Variants in VPS37C observed in about 807,000 individuals in gnomAD.
The protein encoded by VPS37C is VPS37C subunit of ESCRT-I.
A neutral mutation model predicts 16.1 loss-of-function variants in VPS37C; 9 were observed. That is an observed-to-expected ratio of 0.56 (90% CI 0.34 to 0.97). VPS37C has a LOEUF of 0.97. Ranked by LOEUF, VPS37C falls within the 50% of genes least tolerant of loss-of-function variation. The pLI, the probability that VPS37C is intolerant of heterozygous loss-of-function variation, is 0.02. For synonymous variants in VPS37C, 207 were observed against 206.4 expected, an observed-to-expected ratio of 1.00 and a Z score of -0.02; for missense variants, 479 against 472.7, an observed-to-expected ratio of 1.01 and a Z score of -0.12.
intron 3 of VPS37C, 77 bp downstream of exon 3, chr11:61,133,959 A>G: frequency 6.7e-7 from 1 of 1,502,662 alleles, no homozygotes; most frequent in South Asian, 1.3e-5. Context: ...TAAAGCACTT[A>G]GCACAGGGCT....
rs1861305182 is a variant in VPS37C at position 61,133,234 on chromosome 11, G to C, written c.348+21C>G. The C allele has an allele frequency of 1.1e-5, 17 of 1,613,148 alleles. No individual in the cohort carries two copies. The East Asian group carries it at 3.8e-4, about 36-fold the overall frequency. ...ACTGACACCCCGTCCAGGGAAGAGG[G>C]GTGTCGCCTCGCCCTCTCACCTCGG... is the stretch of plus-strand genomic sequence containing the variant. On this transcript the variant is annotated intron_variant, in intron 4 of 4. Coordinates refer to ENST00000301765, the MANE Select transcript of VPS37C (RefSeq NM_017966.5).
At chr11:61,156,218 A>G (rs1010820938) in intron 1 of VPS37C, among the ~76,000 whole-genome samples, 1 of 152,222 alleles carries the variant, frequency 6.6e-6, no homozygotes, top group Non-Finnish European at 1.5e-5. Flanking sequence ...TTTAAACTCA[A>G]CCATATCAAT....
At chr11:61,157,099 A>G (rs999509102) in intron 1 of VPS37C, among the ~76,000 whole-genome samples, 18 of 152,270 alleles carry the variant, frequency 1.2e-4, no homozygotes, top group African/African-American at 4.3e-4. Context: ...ATAATATTCT[A>G]TCTAATACAT....
chr11:61,156,996 C>A (rs1461778413), intron 1 of VPS37C, among the ~76,000 whole-genome samples: 4 of 152,348 alleles, frequency 2.6e-5, no homozygotes, highest in Non-Finnish European at 5.9e-5. Flanking sequence ...AATATTTGTT[C>A]TTTTGTGACT....
At chr11:61,138,960 G>C in intron 1 of VPS37C, 125 bp from the exon 2 acceptor site, 1 of 852,558 alleles carries the variant, frequency 1.2e-6, no homozygotes, top group East Asian at 2.6e-5. Context: ...TCCACCGGGA[G>C]GCTCGAGGAG....
rs904908649 is a variant in VPS37C at position 61,134,163 on chromosome 11, G to A, written c.138C>T (p.Asn46=). The change falls in exon 3 of 5, where the codon AAC becomes AAT. Residue 46 remains asparagine, a synonymous_variant. Coordinates refer to ENST00000301765, the MANE Select transcript of VPS37C (RefSeq NM_017966.5). The stretch of plus-strand genomic sequence containing the variant: ...CCAAGTTCCGCTCTGCCAGGCTCCG[G>A]TTGGTGGCCAGTGCCATCTCCCGTT... ...QLEREMALAT[N]RSLAERNLEF... is the part of the protein sequence containing the mutation. 2 of 1,613,872 alleles carry A rather than the reference G, an allele frequency of 1.2e-6. No homozygotes were observed. Among genetic ancestry groups the A allele is most frequent in the African/African-American group, 1.3e-5 (1 of 74,904 alleles).
intron 4 of VPS37C, chr11:61,132,907 G>T: frequency 1.9e-6 from 1 of 526,464 alleles, no homozygotes; most frequent in East Asian, 3.5e-5. Flanking sequence ...GACAGCACCA[G>T]TTTGCCCACA....
chr11:61,147,802 T>A (rs1386968776), intron 1 of VPS37C, among the ~76,000 whole-genome samples: 1 of 151,964 alleles, frequency 6.6e-6, no homozygotes, highest in African/African-American at 2.4e-5. Flanking sequence ...GCACTGCCCC[T>A]CACCCCTTGC....
intron 2 of VPS37C, among the ~76,000 whole-genome samples, chr11:61,136,579 T>G (rs181066702): frequency 4.7e-5 from 7 of 149,256 alleles, no homozygotes; most frequent in Admixed American, 2.0e-4. Flanking sequence ...TATTAGGGGT[T>G]CAGTGTGAAG....
chr11:61,158,660 G>T (rs1044224340), intron 1 of VPS37C, among the ~76,000 whole-genome samples: 2 of 152,168 alleles, frequency 1.3e-5, no homozygotes, highest in Non-Finnish European at 1.5e-5. Context: ...GTCTTCAAAG[G>T]TAGGGCCTAC....
chr11:61,159,307 G>A (rs527317697), intron 1 of VPS37C, among the ~76,000 whole-genome samples: 1 of 152,134 alleles, frequency 6.6e-6, no homozygotes, highest in Non-Finnish European at 1.5e-5. Flanking sequence ...GAATCACCCA[G>A]TGCATTTGTT....
At chr11:61,151,812 G>T (rs1853302021) in intron 1 of VPS37C, among the ~76,000 whole-genome samples, 1 of 152,200 alleles carries the variant, frequency 6.6e-6, no homozygotes, top group Non-Finnish European at 1.5e-5. Flanking sequence ...CAATCAAAAT[G>T]ACGGCCAAGA....
chr11:61,140,240 T>C (rs1487154744), intron 1 of VPS37C, among the ~76,000 whole-genome samples: 3 of 152,154 alleles, frequency 2.0e-5, no homozygotes, highest in Non-Finnish European at 4.4e-5. Context: ...AGATGCACCC[T>C]TCTCCAGGTC....
chr11:61,158,115 T>C (rs1225255297), intron 1 of VPS37C, among the ~76,000 whole-genome samples: 1 of 152,252 alleles, frequency 6.6e-6, no homozygotes, highest in African/African-American at 2.4e-5. Flanking sequence ...CAGGTATTCC[T>C]TTATAGCAAT....
intron 4 of VPS37C, chr11:61,132,950 A>C (rs1861299934): frequency 1.9e-6 from 1 of 534,718 alleles, no homozygotes; most frequent in African/African-American, 1.9e-5. Flanking sequence ...GGAAGCAGGA[A>C]GCAGGGAGAG....
chr11:61,131,640 A>G lies in VPS37C; in HGVS notation c.*180T>C. On this transcript the variant is annotated 3_prime_UTR_variant, in exon 5 of 5. Transcript: ENST00000301765. ...CAGGAGGACCTCTGGCCAGAAGGCC[A>G]GCAAGTGCCATGACCAGTCACACCG... 1.1e-6 allele frequency: 1 copy of G among 901,772 alleles called. No individual in the cohort carries two copies. The highest frequency in any genetic ancestry group is 3.3e-5 in the East Asian group (1 of 30,210). 55.9% of individuals were successfully genotyped at this position (901,772 alleles called of 1,614,324 possible).
rs1376790272 is a variant in VPS37C, at chr11:61,148,527, C to A, written c.-6-9692G>T. 4.0e-5 allele frequency among the ~76,000 whole-genome samples: 6 copies of A among 150,858 alleles called. No individual in the cohort carries two copies. In the East Asian group the frequency reaches 9.7e-4, roughly 24 times the overall value. On this transcript the variant is annotated intron_variant, in intron 1 of 4. Coordinates refer to ENST00000301765, the MANE Select transcript of VPS37C (RefSeq NM_017966.5). ...TTTTCTTTTCCCGGAATGATTCCAG[C>A]TGTGCGTCCAAGTACCAGACTCTTT...
At chr11:61,146,276 G>A (rs1027207517) in intron 1 of VPS37C, among the ~76,000 whole-genome samples, 1 of 152,226 alleles carries the variant, frequency 6.6e-6, no homozygotes, top group Non-Finnish European at 1.5e-5. Flanking sequence ...AGGATAAATG[G>A]GGGCAGCAGG....
chr11:61,142,975 T>TAAAAAAAAAAAAAAAAAAAAAAA, intron 1 of VPS37C, among the ~76,000 whole-genome samples: 7 of 47,586 alleles, frequency 1.5e-4, no homozygotes, highest in East Asian at 6.5e-4. Flanking sequence ...AAAGAATAGC[T>TAAAAAAAAAAAAAAAAAAAAAAA]AAAAAAAAAA....
Sources: allele counts gnomAD v4.1 joint callset (sites outside exome capture counted in the v4.1 genomes callset), GRCh38; gene constraint gnomAD v4.1.1; transcripts MANE v1.5; gene names NCBI Gene and HGNC (gene_info 2026-07-23, HGNC 2026-07-21).